CYP19A1: variants seen among roughly 807,000 people sequenced by gnomAD.
The protein encoded by CYP19A1 is aromatase.
In CYP19A1, 32 loss-of-function variants were observed where a neutral mutation model predicts 44.4. That is an observed-to-expected ratio of 0.72 (90% CI 0.54 to 0.97). The LOEUF (loss-of-function observed/expected upper bound fraction) is 0.97. Among genes scored for constraint, CYP19A1 ranks in the 50% least tolerant of loss-of-function variants. The pLI is 0.00. For missense variants in CYP19A1, 598 were observed against 637.8 expected (o/e 0.94, Z 0.67); for synonymous variants, 212 against 215.6 (o/e 0.98, Z 0.14).
At chr15:51,288,276 C>T (rs1473206326) in intron 1 of CYP19A1, among the ~76,000 whole-genome samples, 3 of 152,138 alleles carry the variant, frequency 2.0e-5, no homozygotes, top group African/African-American at 7.2e-5. Flanking sequence ...GCCATACTCC[C>T]AGCCCAATCT....
chr15:51,247,236 T>C (rs2034101560), intron 1 of CYP19A1, among the ~76,000 whole-genome samples: 1 of 152,160 alleles, frequency 6.6e-6, no homozygotes, highest in Non-Finnish European at 1.5e-5. Flanking sequence ...CCCTCTCTGC[T>C]TTATTCTCCT....
intron 4 of CYP19A1, among the ~76,000 whole-genome samples, chr15:51,226,667 C>T (rs561192199): frequency 6.6e-6 from 1 of 152,212 alleles, no homozygotes; most frequent in South Asian, 2.1e-4. Flanking sequence ...ATCATCTAGC[C>T]CCAGATTCCA....
intron 1 of CYP19A1, among the ~76,000 whole-genome samples, chr15:51,268,974 ACTTTAT>A (rs1200916485): frequency 6.6e-6 from 1 of 152,024 alleles, no homozygotes; most frequent in Non-Finnish European, 1.5e-5. Context: ...TGTTTTGAAT[ACTTTAT>A]CTTAGTCTGT....
chr15:51,229,726 C>G (rs1401524562), intron 3 of CYP19A1, among the ~76,000 whole-genome samples: 1 of 152,100 alleles, frequency 6.6e-6, no homozygotes, highest in Admixed American at 6.5e-5. Context: ...ACCTTCCCCT[C>G]CATCATTCTA....
chr15:51,234,710 C>A (rs115077585), intron 3 of CYP19A1, among the ~76,000 whole-genome samples: 1 of 152,134 alleles, frequency 6.6e-6, no homozygotes, highest in African/African-American at 2.4e-5. Flanking sequence ...GCCCCATGAG[C>A]TTCCTCCTCC....
intron 1 of CYP19A1, among the ~76,000 whole-genome samples, chr15:51,287,215 A>G (rs1026855673): frequency 6.6e-6 from 1 of 152,156 alleles, no homozygotes; most frequent in African/African-American, 2.4e-5. Flanking sequence ...TCTTCCCAGC[A>G]CCCCTGGACA....
chr15:51,258,636 C>T (rs762067270), intron 1 of CYP19A1, among the ~76,000 whole-genome samples: 42 of 151,784 alleles, frequency 2.8e-4, no homozygotes, highest in Non-Finnish European at 5.3e-4. Flanking sequence ...GAGTCCAGGC[C>T]CCTGCTCCAC....
intron 1 of CYP19A1, among the ~76,000 whole-genome samples, chr15:51,283,997 T>C (rs929230887): frequency 2.0e-5 from 3 of 152,234 alleles, no homozygotes; most frequent in Admixed American, 2.0e-4. Flanking sequence ...GGTCTATTAC[T>C]TGGAAGGTCT....
At chr15:51,246,995 A>G (rs1467875926) in intron 1 of CYP19A1, among the ~76,000 whole-genome samples, 1 of 152,122 alleles carries the variant, frequency 6.6e-6, no homozygotes, top group Non-Finnish European at 1.5e-5. Flanking sequence ...GAGAGCTGAC[A>G]CGTGACCTTA....
intron 1 of CYP19A1, among the ~76,000 whole-genome samples, chr15:51,299,203 C>T (rs1051778477): frequency 6.6e-6 from 1 of 152,234 alleles, no homozygotes; most frequent in Non-Finnish European, 1.5e-5. Context: ...CATCTGATCT[C>T]AGGTTTACAT....
intron 1 of CYP19A1, among the ~76,000 whole-genome samples, chr15:51,285,176 T>C (rs1189482808): frequency 6.6e-6 from 1 of 152,198 alleles, no homozygotes; most frequent in African/African-American, 2.4e-5. Flanking sequence ...CTACCCTGAA[T>C]ACAAGAGACC....
chr15:51,331,958 C>CAT (rs1002990737), intron 1 of CYP19A1, among the ~76,000 whole-genome samples: 15 of 151,400 alleles, frequency 9.9e-5, no homozygotes, highest in South Asian at 4.2e-4. Context: ...CACACACATA[C>CAT]ATATATATAT....
At chr15:51,248,933 CTTT>C (rs375834140) in intron 1 of CYP19A1, among the ~76,000 whole-genome samples, 2 of 140,348 alleles carry the variant, frequency 1.4e-5, no homozygotes, top group Non-Finnish European at 1.6e-5. Flanking sequence ...TCAAATTCAT[CTTT>C]TTTTTTTTTT....
intron 3 of CYP19A1, among the ~76,000 whole-genome samples, chr15:51,235,163 C>G (rs572525252): frequency 7.2e-5 from 11 of 152,204 alleles, no homozygotes; most frequent in Non-Finnish European, 1.3e-4. Flanking sequence ...GAGAACGTAT[C>G]AAGAACGTAT....
chr15:51,281,572 G>C (rs905551410), intron 1 of CYP19A1, among the ~76,000 whole-genome samples: 1 of 152,206 alleles, frequency 6.6e-6, no homozygotes, highest in Non-Finnish European at 1.5e-5. Context: ...AAGCACAACC[G>C]CCTTCTTCAG....
intron 2 of CYP19A1, among the ~76,000 whole-genome samples, chr15:51,237,296 C>G (rs908270337): frequency 5.3e-5 from 8 of 152,142 alleles, no homozygotes; most frequent in Admixed American, 1.3e-4. Context: ...GGTGTGTGTG[C>G]TAATTTCTTC....
intron 9 of CYP19A1, 56 bp downstream of exon 9, chr15:51,212,264 T>C: frequency 1.6e-6 from 2 of 1,235,906 alleles, no homozygotes; most frequent in South Asian, 2.4e-5. Flanking sequence ...CCAGAGAGGA[T>C]TTAACAGTTG....
chr15:51,288,445 C>G (rs2035760763), intron 1 of CYP19A1, among the ~76,000 whole-genome samples: 2 of 152,178 alleles, frequency 1.3e-5, no homozygotes, highest in South Asian at 4.1e-4. Context: ...TTGGGGGTTC[C>G]TGAAACCTGG....
At chr15:51,325,957 C>T (rs1337639769) in intron 1 of CYP19A1, among the ~76,000 whole-genome samples, 1 of 151,246 alleles carries the variant, frequency 6.6e-6, no homozygotes, top group African/African-American at 2.4e-5. Context: ...TACAATTAGG[C>T]AAAATCAAAG....
Sources: gnomAD v4.1 joint callset for allele counts (sites outside exome capture counted in the v4.1 genomes callset) on GRCh38, gnomAD v4.1.1 for gene constraint, MANE v1.5 for transcripts, NCBI Gene and HGNC (gene_info 2026-07-23, HGNC 2026-07-21) for gene names.